Variants in CDKL3 observed in about 807,000 individuals in gnomAD.
CDKL3 encodes the protein cyclin dependent kinase like 3, also known as cyclin-dependent kinase-like 3.
Under a neutral mutation model 69.3 loss-of-function variants are expected in CDKL3, and 65 were observed. The observed-to-expected ratio is 0.94, with a 90% CI of 0.77 to 1.15. The LOEUF (loss-of-function observed/expected upper bound fraction) is 1.15, where lower values mean the gene tolerates loss of function less well. Among genes scored for constraint, CDKL3 ranks in the 50% most tolerant of loss-of-function variants. CDKL3 has a pLI of 0.00. For missense variants in CDKL3, 652 were observed against 689.2 expected (o/e 0.95, Z 0.61); for synonymous variants, 202 against 221.6 (o/e 0.91, Z 0.79).
downstream of CDKL3, among the ~76,000 whole-genome samples, chr5:134,285,055 A>AT (rs1342861441): frequency 6.6e-6 from 1 of 152,238 alleles, no homozygotes; most frequent in Non-Finnish European, 1.5e-5. Context: ...GAAGTGATAA[A>AT]TGTCCATGAA....
At chr5:134,299,956 A>T (rs1382426202) in intron 12 of CDKL3, among the ~76,000 whole-genome samples, 1 of 152,164 alleles carries the variant, frequency 6.6e-6, no homozygotes, top group Non-Finnish European at 1.5e-5. Context: ...CTCTTGCCTA[A>T]CTCACTCATT....
In CDKL3 at chr5:134,366,560, G is replaced by A; in HGVS notation, c.-21-16C>T. 6.8e-7 allele frequency: 1 copy of A among 1,469,556 alleles called. No individual in the cohort carries two copies. The highest frequency in any genetic ancestry group is 9.2e-7 in the Non-Finnish European group (1 of 1,083,110). The allele number at this position is 1,469,556 out of a possible 1,614,324, so 91.0% of individuals were successfully genotyped here. ...GCTTTTACTACTTTATAGAAATAAA[G>A]AAAGAAAATGGAAAATGTTAAACGT... is the stretch of plus-strand genomic sequence containing the variant. On this transcript the variant is annotated splice_polypyrimidine_tract_variant and intron_variant, in intron 1 of 12. Transcript: ENST00000265334.
At chr5:134,311,043 C>T (rs1769327259) in intron 7 of CDKL3, among the ~76,000 whole-genome samples, 1 of 152,160 alleles carries the variant, frequency 6.6e-6, no homozygotes, top group Non-Finnish European at 1.5e-5. Flanking sequence ...TCTTTCAAAG[C>T]CCAAATAGAA....
chr5:134,301,474 C>T (rs79265796), intron 12 of CDKL3, among the ~76,000 whole-genome samples: 74 of 152,166 alleles, frequency 4.9e-4, no homozygotes, highest in African/African-American at 1.7e-3. Context: ...TGTTAAAATG[C>T]CTTCTTACAG....
rs532934402 is a variant in CDKL3, at chr5:134,306,711, T to G, written c.1365-9A>C. The G allele has an allele frequency of 2.9e-5, 34 of 1,184,050 alleles. No individual in the cohort carries two copies. In the Admixed American group the frequency reaches 5.1e-4, roughly 18 times the overall value. The allele number at this position is 1,184,050 out of a possible 1,614,324, so 73.3% of individuals were successfully genotyped here. A position where few individuals can be genotyped will look rare whatever the true frequency, so the allele number is the denominator to read the frequency against. ...TTGCTCTTTCAGTTAACCTATTATT[T>G]AAAAATGAATGAGAAGTTACTAAAA... is the stretch of plus-strand genomic sequence containing the variant. On this transcript the variant is annotated splice_polypyrimidine_tract_variant and intron_variant, in intron 9 of 12. Transcript: ENST00000265334.
intron 4 of CDKL3, among the ~76,000 whole-genome samples, chr5:134,326,815 GTGTATATATATATATATATATATA>G (rs1485335179): frequency 3.3e-4 from 27 of 81,524 alleles, no homozygotes; most frequent in Middle Eastern, 4.9e-3. Context: ...ATATATGTGT[GTGTATATATATATATATATATATA>G]TATATATATA....
chr5:134,303,575 GGC>G (rs75936945), intron 11 of CDKL3, among the ~76,000 whole-genome samples: 20,363 of 152,046 alleles, frequency 0.13, 1,628 homozygotes, highest in African/African-American at 0.21. Context: ...CAGCTGCAAT[GGC>G]TCACGCCTGT....
At chr5:134,303,847 T>TTAAATAAA (rs550308231) in intron 11 of CDKL3, among the ~76,000 whole-genome samples, 1 of 151,974 alleles carries the variant, frequency 6.6e-6, no homozygotes, top group Admixed American at 6.6e-5. Flanking sequence ...AGACTCTGTC[T>TTAAATAAA]TAAATAAATA....
chr5:134,346,422 G>A (rs1057031329), intron 4 of CDKL3, among the ~76,000 whole-genome samples: 2 of 152,140 alleles, frequency 1.3e-5, no homozygotes, highest in Non-Finnish European at 2.9e-5. Context: ...AATTTGTCAC[G>A]CTTTTCTCTT....
intron 7 of CDKL3, among the ~76,000 whole-genome samples, chr5:134,309,735 T>G (rs1283979285): frequency 1.3e-5 from 2 of 152,178 alleles, no homozygotes; most frequent in African/African-American, 2.4e-5. Context: ...CTCAAGGTAC[T>G]TTCACCCCAC....
chr5:134,356,178 T>C (rs908174745), intron 3 of CDKL3, among the ~76,000 whole-genome samples: 1 of 152,184 alleles, frequency 6.6e-6, no homozygotes, highest in Non-Finnish European at 1.5e-5. Flanking sequence ...TTATCAGGCA[T>C]TAGGTTCTCA....
chr5:134,344,289 T>C lies in CDKL3; in HGVS notation c.539+5960A>G, dbSNP rs1190881242. Among the ~76,000 whole-genome samples the C allele has an allele frequency of 2.0e-5, 3 of 152,146 alleles. No individual in the cohort carries two copies. The East Asian group carries it at 5.8e-4, about 29-fold the overall frequency. On this transcript the variant is annotated intron_variant, in intron 4 of 12. Coordinates refer to ENST00000265334, the MANE Select transcript of CDKL3 (RefSeq NM_001113575.2). ...AAGCATAGGCAACAAAAGAAACAGA[T>C]AAATTGGACTTCTTAAAATTAAAAA...
chr5:134,363,550 T>C (rs2149663248), intron 2 of CDKL3, among the ~76,000 whole-genome samples: 1 of 145,324 alleles, frequency 6.9e-6, no homozygotes, highest in African/African-American at 2.6e-5. Flanking sequence ...AACCTCCTCC[T>C]CCTGGGTTCA....
At chr5:134,362,949 T>C (rs1756414291) in intron 2 of CDKL3, among the ~76,000 whole-genome samples, 1 of 151,888 alleles carries the variant, frequency 6.6e-6, no homozygotes, top group African/African-American at 2.4e-5. Flanking sequence ...ACAACAACAA[T>C]AACAAAAAGC....
At position 134,351,441 on chromosome 5, in the gene CDKL3, T is replaced by A. The variant is rs535843824; in HGVS notation, c.361-1014A>T. Among the ~76,000 whole-genome samples, 84 of 152,286 alleles carry A rather than the reference T, an allele frequency of 5.5e-4. No homozygotes were observed. The South Asian group carries it at 7.0e-3, about 13-fold the overall frequency. On this transcript the variant is annotated intron_variant, in intron 3 of 12. Transcript: ENST00000265334. ...GAAATTATTTTTTAAAGAGATAGGGTCTTGCTCCATTGCCCAGACCAGAGT... is the reference window on the plus strand; with the variant it reads ...GAAATTATTTTTTAAAGAGATAGGGACTTGCTCCATTGCCCAGACCAGAGT...
At position 134,318,872 on chromosome 5, in the gene CDKL3, G is replaced by A. The variant is rs542819304; in HGVS notation, c.792+486C>T. Among the ~76,000 whole-genome samples the A allele has an allele frequency of 5.3e-5, 8 of 152,146 alleles. 1 individual carries two copies. The highest frequency in any genetic ancestry group is 6.8e-3 in the Middle Eastern group (2 of 294). The stretch of plus-strand genomic sequence containing the variant: ...ATTATCTTAGGGGGCATTCAGCTCT[G>A]ACAGTCTATGAATTTTAATTTCTCT... On this transcript the variant is annotated intron_variant, in intron 6 of 12. Coordinates refer to ENST00000265334, the MANE Select transcript of CDKL3 (RefSeq NM_001113575.2).
chr5:134,306,999 C>T (rs1034318677), intron 9 of CDKL3, among the ~76,000 whole-genome samples: 2 of 152,114 alleles, frequency 1.3e-5, no homozygotes, highest in African/African-American at 4.8e-5. Context: ...AAGTGATACA[C>T]TCGCCTTGGC....
chr5:134,345,078 T>G (rs562884927), intron 4 of CDKL3, among the ~76,000 whole-genome samples: 1 of 151,370 alleles, frequency 6.6e-6, no homozygotes, highest in Non-Finnish European at 1.5e-5. Flanking sequence ...AAAAATAAAA[T>G]AAATAAAAAT....
chr5:134,353,434 C>T (rs1753786814), intron 3 of CDKL3, among the ~76,000 whole-genome samples: 2 of 152,154 alleles, frequency 1.3e-5, no homozygotes, highest in South Asian at 4.1e-4. Context: ...CCAGCTGTCT[C>T]ACAAAATTAA....
Sources: gnomAD v4.1 joint callset for allele counts (sites outside exome capture counted in the v4.1 genomes callset) on GRCh38, gnomAD v4.1.1 for gene constraint, MANE v1.5 for transcripts, NCBI Gene and HGNC (gene_info 2026-07-23, HGNC 2026-07-21) for gene names.